The following EDIL3 variants were observed in gnomAD, a reference collection of about 807,000 sequenced individuals.
EDIL3 encodes the protein EGF-like repeat and discoidin I-like domain-containing protein 3.
EDIL3 carries 37 observed loss-of-function variants against 67.4 expected under a neutral mutation model. The observed-to-expected ratio is 0.55, with a 90% confidence interval of 0.42 to 0.72. The LOEUF (loss-of-function observed/expected upper bound fraction) is 0.72, where lower values mean the gene tolerates loss of function less well. Ranked by LOEUF, EDIL3 falls within the 30% of genes least tolerant of loss-of-function variation. EDIL3 has a pLI of 0.00. For missense variants in EDIL3, 527 were observed against 586.3 expected, an observed-to-expected ratio of 0.90 and a Z score of 1.04; for synonymous variants, 195 against 196.3, an observed-to-expected ratio of 0.99 and a Z score of 0.05.
chr5:84,239,440 C>A (rs75345463), intron 2 of EDIL3, among the ~76,000 whole-genome samples: 1 of 149,490 alleles, frequency 6.7e-6, no homozygotes, highest in Non-Finnish European at 1.5e-5. Flanking sequence ...TCAGCTACAT[C>A]TTTTTTTTTT....
intron 9 of EDIL3, among the ~76,000 whole-genome samples, chr5:84,059,650 G>A (rs969479969): frequency 6.6e-6 from 1 of 152,054 alleles, no homozygotes; most frequent in Non-Finnish European, 1.5e-5. Flanking sequence ...TCTCATTATC[G>A]AATTGAGTTG....
chr5:83,997,825 G>C (rs1745260221), intron 9 of EDIL3, among the ~76,000 whole-genome samples: 1 of 152,130 alleles, frequency 6.6e-6, no homozygotes, highest in Non-Finnish European at 1.5e-5. Flanking sequence ...GAGTAACTGG[G>C]GGAGGGAGAA....
At position 84,075,483 on chromosome 5, in the gene EDIL3, C is replaced by CTTATTATTA. The variant is rs1554066688; in HGVS notation, c.652-8878_652-8877insTAATAATAA. ...GGGGCTTCTTCTTCTTCTTCTTCTT[C>CTTATTATTA]TTATTATTTTGAGACGGAGTCTTCC... On this transcript the variant is annotated intron_variant, in intron 6 of 10. Coordinates refer to ENST00000296591, the MANE Select transcript of EDIL3 (RefSeq NM_005711.5). Among the ~76,000 whole-genome samples, 13 of 151,092 alleles carry CTTATTATTA rather than the reference C, an allele frequency of 8.6e-5. No homozygotes were observed. The East Asian group carries it at 2.4e-3, about 28-fold the overall frequency.
chr5:84,289,087 T>C (rs142391674), intron 1 of EDIL3, among the ~76,000 whole-genome samples: 2,015 of 152,280 alleles, frequency 0.013, 51 homozygotes, highest in African/African-American at 0.047. Flanking sequence ...TTTTTGTTAT[T>C]TCTAGGTGAA....
chr5:84,010,503 G>C (rs1041030313), intron 9 of EDIL3, among the ~76,000 whole-genome samples: 1 of 151,944 alleles, frequency 6.6e-6, no homozygotes, highest in Non-Finnish European at 1.5e-5. Context: ...TTCCAGTACA[G>C]GTTCTATTTC....
chr5:84,208,290 T>C (rs1455554001), intron 3 of EDIL3, among the ~76,000 whole-genome samples: 21 of 152,022 alleles, frequency 1.4e-4, no homozygotes, highest in Middle Eastern at 3.4e-3. Context: ...AAAAGACACA[T>C]GAAAAAATGC....
intron 1 of EDIL3, among the ~76,000 whole-genome samples, chr5:84,365,643 A>G (rs775083203): frequency 1.3e-5 from 2 of 152,192 alleles, no homozygotes; most frequent in Non-Finnish European, 2.9e-5. Context: ...AAAGTCAGAA[A>G]CATAATAAAA....
intron 10 of EDIL3, among the ~76,000 whole-genome samples, chr5:83,957,278 C>T (rs1252997231): frequency 2.6e-5 from 4 of 151,578 alleles, no homozygotes. Context: ...TGCTTTTCCC[C>T]CTGCTATCAT....
At chr5:84,274,529 T>C (rs1217368162) in intron 1 of EDIL3, among the ~76,000 whole-genome samples, 1 of 152,220 alleles carries the variant, frequency 6.6e-6, no homozygotes, top group Admixed American at 6.5e-5. Context: ...ATGCTTTATG[T>C]ATTTCTTTCA....
chr5:84,173,933 C>A (rs577848836), intron 4 of EDIL3, among the ~76,000 whole-genome samples: 3 of 152,138 alleles, frequency 2.0e-5, no homozygotes, highest in African/African-American at 7.2e-5. Context: ...GCATGAAAGA[C>A]GCCATCTAAG....
At chr5:84,182,306 C>G (rs933373541) in intron 3 of EDIL3, among the ~76,000 whole-genome samples, 4 of 146,088 alleles carry the variant, frequency 2.7e-5, no homozygotes, top group African/African-American at 1.0e-4. Context: ...CACACACACA[C>G]AAATCCAGGC....
intron 3 of EDIL3, among the ~76,000 whole-genome samples, chr5:84,215,411 A>G (rs1462996313): frequency 6.6e-6 from 1 of 151,742 alleles, no homozygotes; most frequent in East Asian, 2.0e-4. Flanking sequence ...CCGCCACCAC[A>G]CCTGGCTAAT....
intron 9 of EDIL3, among the ~76,000 whole-genome samples, chr5:83,968,947 T>G (rs1259397708): frequency 6.6e-6 from 1 of 151,804 alleles, no homozygotes; most frequent in Non-Finnish European, 1.5e-5. Flanking sequence ...ATTAGAAAAC[T>G]TTAAAAACAA....
At chr5:84,319,257 G>C (rs2112153224) in intron 1 of EDIL3, among the ~76,000 whole-genome samples, 1 of 116,776 alleles carries the variant, frequency 8.6e-6, no homozygotes, top group Non-Finnish European at 1.9e-5. Context: ...CGGATCACGA[G>C]GTCAGGAGAT....
intron 9 of EDIL3, among the ~76,000 whole-genome samples, chr5:83,984,153 C>A (rs1046787301): frequency 5.9e-5 from 9 of 151,560 alleles, no homozygotes; most frequent in Non-Finnish European, 1.3e-4. Flanking sequence ...TTTCAGGGAC[C>A]CAAGAGTGAA....
At chr5:84,177,311 T>C (rs985300088) in intron 4 of EDIL3, among the ~76,000 whole-genome samples, 2 of 152,092 alleles carry the variant, frequency 1.3e-5, no homozygotes, top group African/African-American at 4.8e-5. Context: ...CTTAAATACA[T>C]TGATAAGTGA....
chr5:84,132,008 G>A (rs140975680), intron 5 of EDIL3, among the ~76,000 whole-genome samples: 3,033 of 151,520 alleles, frequency 0.02, 114 homozygotes, highest in African/African-American at 0.07. Flanking sequence ...TGAGGTGGGC[G>A]GATCTCCTGA....
intron 1 of EDIL3, among the ~76,000 whole-genome samples, chr5:84,369,529 G>C (rs1163054923): frequency 6.6e-6 from 1 of 152,068 alleles, no homozygotes; most frequent in Admixed American, 6.6e-5. Context: ...TAGAGACTTA[G>C]AGTAGTCAAA....
intron 4 of EDIL3, among the ~76,000 whole-genome samples, chr5:84,144,684 C>A (rs1386051019): frequency 6.6e-6 from 1 of 152,028 alleles, no homozygotes; most frequent in African/African-American, 2.4e-5. Flanking sequence ...AGAGTGACTC[C>A]TCATTGTCCC....
Sources: allele counts gnomAD v4.1 joint callset (sites outside exome capture counted in the v4.1 genomes callset), GRCh38; gene constraint gnomAD v4.1.1; transcripts MANE v1.5; gene names NCBI Gene and HGNC (gene_info 2026-07-23, HGNC 2026-07-21).